Variants in ADCY1 observed in about 807,000 individuals in gnomAD.
The protein encoded by ADCY1 is adenylate cyclase type 1.
ADCY1 carries 28 observed loss-of-function variants against 105.4 expected under a neutral mutation model. The observed-to-expected ratio is 0.27, with a 90% CI of 0.20 to 0.36. ADCY1 has a LOEUF of 0.36. Among genes scored for constraint, ADCY1 ranks in the 10% least tolerant of loss-of-function variants. The pLI is 1.00. For synonymous variants in ADCY1, 655 were observed against 623.8 expected, an observed-to-expected ratio of 1.05 and a Z score of -0.75; for missense variants, 977 against 1,434.2, an observed-to-expected ratio of 0.68 and a Z score of 5.15.
Position 45,622,720 on chromosome 7 carries a change from G to A in ADCY1, c.997G>A (p.Gly333Ser), listed in dbSNP as rs1195214128. 4 of 1,609,664 alleles carry A rather than the reference G, an allele frequency of 2.5e-6. No individual in the cohort carries two copies. Among genetic ancestry groups the A allele is most frequent in the African/African-American group, 2.7e-5 (2 of 73,882 alleles). ...ELVKLLNELF[G>S]KFDELATENH... The stretch of plus-strand genomic sequence containing the variant: ...GGTGAAACTCCTCAATGAGCTCTTC[G>A]GCAAGTTCGATGAATTAGCCACGGT... The change falls in exon 4 of 20, where the codon GGC becomes AGC. Residue 333 changes from glycine (G) to serine (S), a missense_variant. Around this residue, in one of 7 missense-constraint regions of ADCY1, gnomAD observed 196 missense variants for 347.8 expected, o/e 0.56. Transcript: ENST00000297323.
intron 11 of ADCY1, among the ~76,000 whole-genome samples, chr7:45,681,524 G>T (rs1028805703): frequency 2.6e-5 from 4 of 152,232 alleles, no homozygotes; most frequent in Non-Finnish European, 4.4e-5. Context: ...AGTGCCATCA[G>T]TGGTGCTTGC....
At position 45,623,910 on chromosome 7, in the gene ADCY1, C is replaced by T. The variant is rs994991457; in HGVS notation, c.1020+1167C>T. On this transcript the variant is annotated intron_variant, in intron 4 of 19. Transcript: ENST00000297323. Reference sequence around the variant, plus strand: ...GGACCCCAGACACCTAGCATCCCTGCCCTGTGAGGGTGTGGGAGGAGTACA... The same window carrying T: ...GGACCCCAGACACCTAGCATCCCTGTCCTGTGAGGGTGTGGGAGGAGTACA... Among the ~76,000 whole-genome samples, 6 of 152,154 alleles carry T rather than the reference C, an allele frequency of 3.9e-5. No homozygotes were observed. In the East Asian group the frequency reaches 1.2e-3, roughly 29 times the overall value.
At chr7:45,611,461 G>T (rs899461081) in intron 3 of ADCY1, among the ~76,000 whole-genome samples, 5 of 152,110 alleles carry the variant, frequency 3.3e-5, no homozygotes, top group African/African-American at 7.3e-5. Flanking sequence ...TGCCATGTCA[G>T]AATAGTAGCT....
intron 4 of ADCY1, among the ~76,000 whole-genome samples, chr7:45,625,683 TG>T (rs1794039275): frequency 1.3e-5 from 2 of 152,124 alleles, no homozygotes; most frequent in African/African-American, 4.8e-5. Context: ...TGCATGTGTG[TG>T]TACCTGTGTG....
intron 8 of ADCY1, among the ~76,000 whole-genome samples, chr7:45,663,771 A>G (rs1241861438): frequency 2.6e-5 from 4 of 151,978 alleles, no homozygotes; most frequent in African/African-American, 7.3e-5. Context: ...GTGAGCCGAG[A>G]TTGTGCCACT....
At chr7:45,679,483 AG>A (rs908940273) in intron 10 of ADCY1, among the ~76,000 whole-genome samples, 1 of 152,186 alleles carries the variant, frequency 6.6e-6, no homozygotes, top group Non-Finnish European at 1.5e-5. Flanking sequence ...AGGTAGACTC[AG>A]GAGGGGCCCC....
chr7:45,580,993 G>A (rs1019095784), intron 1 of ADCY1, among the ~76,000 whole-genome samples: 5 of 152,164 alleles, frequency 3.3e-5, no homozygotes, highest in Admixed American at 2.0e-4. Context: ...AGGTTCACAG[G>A]TTCCTGCAGA....
upstream of ADCY1, chr7:45,574,174 G>C: frequency 1.0e-6 from 1 of 980,042 alleles, no homozygotes; most frequent in Non-Finnish European, 1.2e-6. This position sits in a 1 kb window ranked among gnomAD's most constrained non-coding sequence, Gnocchi z 7.0. Flanking sequence ...CTGAGGCTCG[G>C]AGGGGACAAG....
intron 4 of ADCY1, among the ~76,000 whole-genome samples, chr7:45,634,528 A>G (rs528539767): frequency 6.6e-6 from 1 of 151,438 alleles, no homozygotes; most frequent in African/African-American, 2.4e-5. Flanking sequence ...CTGCTCATAT[A>G]ATGAATTACC....
intron 4 of ADCY1, among the ~76,000 whole-genome samples, chr7:45,627,973 A>G (rs924924066): frequency 4.6e-5 from 7 of 152,172 alleles, no homozygotes; most frequent in Non-Finnish European, 1.0e-4. Context: ...CACTTCGCAT[A>G]TGCACAGCCA....
At chr7:45,589,390 C>CCA (rs1792838192) in intron 1 of ADCY1, among the ~76,000 whole-genome samples, 1 of 152,180 alleles carries the variant, frequency 6.6e-6, no homozygotes, top group African/African-American at 2.4e-5. Context: ...GGGGAGGCCG[C>CCA]CTGTCCCCCA....
chr7:45,673,669 C>T (rs1784402739), intron 8 of ADCY1, among the ~76,000 whole-genome samples: 1 of 151,922 alleles, frequency 6.6e-6, no homozygotes, highest in Non-Finnish European at 1.5e-5. Context: ...ATTTTTCAGG[C>T]TTGCAGTGAT....
At chr7:45,709,078 G>A (rs1032108740) in intron 18 of ADCY1, among the ~76,000 whole-genome samples, 1 of 151,978 alleles carries the variant, frequency 6.6e-6, no homozygotes, top group Non-Finnish European at 1.5e-5. Context: ...GGTTGTTTTC[G>A]AATTCAAACA....
In ADCY1 at chr7:45,648,571, G is replaced by A. The variant is rs140092857; in HGVS notation, c.1021-99G>A. On this transcript the variant is annotated intron_variant, in intron 4 of 19. Transcript: ENST00000297323. ...CCCAGGTGCAGCATGTCTTGCCAGCGCTCTGTGGCCACCAGTGTCTAGAGG... is the reference window on the plus strand; with the variant it reads ...CCCAGGTGCAGCATGTCTTGCCAGCACTCTGTGGCCACCAGTGTCTAGAGG... 601 of 1,525,086 alleles carry A rather than the reference G, an allele frequency of 3.9e-4. No individual in the cohort carries two copies. The East Asian group carries it at 5.5e-3, about 14-fold the overall frequency. 94.5% of individuals were successfully genotyped at this position (1,525,086 alleles called of 1,614,324 possible).
intron 8 of ADCY1, among the ~76,000 whole-genome samples, chr7:45,669,794 A>G (rs1260873017): frequency 1.3e-5 from 2 of 152,166 alleles, no homozygotes; most frequent in East Asian, 3.8e-4. Context: ...CACTTTTTGA[A>G]ACTGATTGCC....
intron 4 of ADCY1, among the ~76,000 whole-genome samples, chr7:45,642,088 ACTCACAGC>A (rs1316908381): frequency 6.6e-6 from 1 of 152,064 alleles, no homozygotes; most frequent in Non-Finnish European, 1.5e-5. Flanking sequence ...GAAGTTTATT[ACTCACAGC>A]CTGTAGACCA....
intron 14 of ADCY1, among the ~76,000 whole-genome samples, chr7:45,694,149 A>G (rs1432526321): frequency 6.7e-6 from 1 of 150,238 alleles, no homozygotes; most frequent in Non-Finnish European, 1.5e-5. Context: ...ACTGTCAACC[A>G]ACTTGACTTA....
At chr7:45,583,649 T>C (rs1321259434) in intron 1 of ADCY1, among the ~76,000 whole-genome samples, 2 of 151,162 alleles carry the variant, frequency 1.3e-5, no homozygotes, top group East Asian at 3.9e-4. Context: ...TTCCCCCTTC[T>C]TTTTTTTTGA....
intron 7 of ADCY1, among the ~76,000 whole-genome samples, chr7:45,661,236 C>T (rs893413115): frequency 6.6e-6 from 1 of 152,232 alleles, no homozygotes; most frequent in East Asian, 1.9e-4. Flanking sequence ...TATACAGCCC[C>T]ACTTTAGAGA....
Sources: allele counts gnomAD v4.1 joint callset (sites outside exome capture counted in the v4.1 genomes callset), GRCh38; gene constraint gnomAD v4.1.1; regional missense constraint gnomAD v4.1.1; non-coding constraint Gnocchi (gnomAD v3.1); transcripts MANE v1.5; gene names NCBI Gene and HGNC (gene_info 2026-07-23, HGNC 2026-07-21).